Variants in EMG1 observed in about 807,000 individuals in gnomAD.
The protein encoded by EMG1 is EMG1 N1-specific pseudouridine methyltransferase.
A neutral mutation model predicts 26.9 loss-of-function variants in EMG1; 24 were observed. The observed-to-expected ratio is 0.89, with a 90% CI of 0.65 to 1.26. The LOEUF is 1.26. EMG1 is among the 50% of genes most tolerant of loss of function. The pLI is 0.00. For missense variants in EMG1, 299 were observed against 307.6 expected, an observed-to-expected ratio of 0.97 and a Z score of 0.21; for synonymous variants, 140 against 112.6, an observed-to-expected ratio of 1.24 and a Z score of -1.54.
chr12:6,981,026 T>G (rs781900432), downstream of EMG1: 3 of 1,602,046 alleles, frequency 1.9e-6, no homozygotes, highest in African/African-American at 4.0e-5. Context: ...TTTCCTGGTA[T>G]GTCAATCAGC....
At chr12:6,992,762 T>C (rs1351993692), downstream of EMG1, among the ~76,000 whole-genome samples, 1 of 152,220 alleles carries the variant, frequency 6.6e-6, no homozygotes, top group African/African-American at 2.4e-5. Flanking sequence ...GTTTCATTGG[T>C]TTTGAATACA....
downstream of EMG1, among the ~76,000 whole-genome samples, chr12:6,990,047 C>T (rs1256968042): frequency 3.3e-5 from 5 of 151,412 alleles, 1 homozygote; most frequent in South Asian, 4.2e-4. Flanking sequence ...GTGGGTGGTG[C>T]GTGCCTGTAG....
downstream of EMG1, among the ~76,000 whole-genome samples, chr12:6,980,261 T>C (rs1226067731): frequency 6.6e-6 from 1 of 152,092 alleles, no homozygotes; most frequent in Non-Finnish European, 1.5e-5. Context: ...CAGGCTGGTC[T>C]TGAACTCCTG....
rs141746559 is a variant in EMG1 at position 6,974,201 on chromosome 12, C to G, written c.169-138C>G. 513 of 676,020 alleles carry G rather than the reference C, an allele frequency of 7.6e-4. 2 individuals carry two copies. In the African/African-American group the frequency reaches 8.2e-3, roughly 11 times the overall value. The allele number at this position is 676,020 out of a possible 1,614,324, so 41.9% of individuals were successfully genotyped here. On this transcript the variant is annotated intron_variant, in intron 1 of 5. Coordinates refer to ENST00000599672, the MANE Select transcript of EMG1 (RefSeq NM_006331.8). Reference sequence around the variant, plus strand: ...CCCCAGTGTTCCTGGTTTAGTAGGTCTAGGGTGGGCCTGAGAATTTGCCTA... The same window carrying G: ...CCCCAGTGTTCCTGGTTTAGTAGGTGTAGGGTGGGCCTGAGAATTTGCCTA...
At position 6,978,750 on chromosome 12, in the gene EMG1, ACT is replaced by A; in HGVS notation, c.*2944_*2945del. 4.4e-6 allele frequency: 7 copies of A among 1,593,772 alleles called. No homozygotes were observed. The highest frequency in any genetic ancestry group is 6.0e-6 in the Non-Finnish European group (7 of 1,168,662). On this transcript the variant is annotated 3_prime_UTR_variant, in exon 6 of 6. Coordinates refer to ENST00000599672, the MANE Select transcript of EMG1 (RefSeq NM_006331.8). ...ACATGACTAGGCAGTTTCTCTCAGC[ACT>A]CTTCCTTTTCACACTTGTGGCTGGC...
downstream of EMG1, chr12:6,981,706 G>T: frequency 2.4e-6 from 3 of 1,261,004 alleles, no homozygotes; most frequent in Non-Finnish European, 3.4e-6. Context: ...ACTGAGTGCA[G>T]CCAGAAGTGT....
At chr12:6,992,027 A>G (rs1412741827), downstream of EMG1, among the ~76,000 whole-genome samples, 1 of 152,160 alleles carries the variant, frequency 6.6e-6, no homozygotes, top group Non-Finnish European at 1.5e-5. Flanking sequence ...CCCCGTCTCT[A>G]CTAAAAATAC....
intron 7 of EMG1, among the ~76,000 whole-genome samples, chr12:6,995,589 AC>A (rs1946629736): frequency 6.6e-6 from 1 of 151,760 alleles, no homozygotes; most frequent in East Asian, 1.9e-4. Context: ...CATGACCATC[AC>A]CACTCCCTTT....
chr12:6,982,862 A>G, downstream of EMG1: 6 of 879,406 alleles, frequency 6.8e-6, no homozygotes, highest in Non-Finnish European at 1.1e-5. Flanking sequence ...GTAATATATA[A>G]AGAAAAAATG....
At chr12:6,994,998 A>G (rs1353818704) in intron 7 of EMG1, among the ~76,000 whole-genome samples, 1 of 152,094 alleles carries the variant, frequency 6.6e-6, no homozygotes, top group Admixed American at 6.5e-5. Flanking sequence ...TTTAGTTCTA[A>G]CTTCTTTTTC....
downstream of EMG1, among the ~76,000 whole-genome samples, chr12:6,992,507 G>A (rs1419620311): frequency 6.6e-6 from 1 of 152,194 alleles, no homozygotes; most frequent in African/African-American, 2.4e-5. Flanking sequence ...ATCAGTGCAA[G>A]TGTCAACATA....
downstream of EMG1, chr12:6,981,977 T>C: frequency 1.2e-6 from 1 of 810,586 alleles, no homozygotes; most frequent in Non-Finnish European, 2.1e-6. Context: ...CAATGTTCTC[T>C]TTCCTTTTTC....
At chr12:6,983,413 G>C, downstream of EMG1, 1 of 1,515,614 alleles carries the variant, frequency 6.6e-7, no homozygotes, top group East Asian at 2.3e-5. Context: ...CGGTGTCACT[G>C]CTAATTTAGT....
intron 6 of EMG1, among the ~76,000 whole-genome samples, chr12:6,986,187 C>T (rs1310367343): frequency 3.9e-5 from 6 of 152,070 alleles, no homozygotes; most frequent in African/African-American, 1.4e-4. Flanking sequence ...CAGCAAGGGT[C>T]CCCTTAGACT....
intron 7 of EMG1, among the ~76,000 whole-genome samples, chr12:6,996,151 C>T (rs1555155990): frequency 6.6e-6 from 1 of 152,200 alleles, no homozygotes; most frequent in East Asian, 1.9e-4. Flanking sequence ...TCAATCTGGC[C>T]TCTACCCTTC....
chr12:6,989,122 CA>C (rs782103069), downstream of EMG1, among the ~76,000 whole-genome samples: 309 of 132,304 alleles, frequency 2.3e-3, 1 homozygote, highest in Non-Finnish European at 2.1e-3. Flanking sequence ...AACTCCATCT[CA>C]AAAAAAAAAA....
downstream of EMG1, chr12:6,979,997 G>T: frequency 6.4e-6 from 1 of 157,294 alleles, no homozygotes; most frequent in Non-Finnish European, 1.4e-5. Flanking sequence ...AGTTCTCAGT[G>T]AAGGAATTCT....
chr12:6,974,452 G>A lies in EMG1; in HGVS notation c.270+12G>A. 1 of 1,611,944 alleles carries A rather than the reference G, an allele frequency of 6.2e-7. No homozygotes were observed. The highest frequency in any genetic ancestry group is 8.5e-7 in the Non-Finnish European group (1 of 1,178,168). On this transcript the variant is annotated intron_variant, in intron 2 of 5. Transcript: ENST00000599672. The stretch of plus-strand genomic sequence containing the variant: ...ATATCACCCACCAGGTAACTCCAGG[G>A]ACAGTGCTCACAACCCTTTGAGCCT...
chr12:6,975,775 C>A lies in EMG1; in HGVS notation c.701C>A (p.Thr234Asn), dbSNP rs1555153085. ...LSAALTCAKLTTAFEEVWGVI is the reference protein window; with the variant it reads ...LSAALTCAKLNTAFEEVWGVI ...GCTGCCCTCACCTGTGCAAAACTTA[C>A]CACAGCCTTTGAGGAAGTATGGGGG... The change falls in exon 6 of 6, where the codon ACC becomes AAC. Residue 234 changes from threonine (T) to asparagine (N), a missense_variant. By Grantham distance (65) the Thr-to-Asn change is moderately conservative. Transcript: ENST00000599672. The A allele has an allele frequency of 1.2e-6, 2 of 1,612,784 alleles. No homozygotes were observed. The highest frequency in any genetic ancestry group is 1.7e-5 in the Admixed American group (1 of 60,028).
Sources: gnomAD v4.1 joint callset for allele counts (sites outside exome capture counted in the v4.1 genomes callset) on GRCh38, gnomAD v4.1.1 for gene constraint, MANE v1.5 for transcripts, NCBI Gene and HGNC (gene_info 2026-07-23, HGNC 2026-07-21) for gene names.